ACBD5: variants seen among roughly 807,000 people sequenced by gnomAD.
ACBD5 encodes the protein acyl-CoA-binding domain-containing protein 5.
Under a neutral mutation model 71.8 loss-of-function variants are expected in ACBD5, and 40 were observed. The ratio of observed to expected loss-of-function variants is 0.56; its 90% CI spans 0.43 to 0.72. ACBD5 has a LOEUF of 0.72. Among genes scored for constraint, ACBD5 ranks in the 30% least tolerant of loss-of-function variants. The pLI is 0.00. For missense variants in ACBD5, 559 were observed against 644.5 expected, an observed-to-expected ratio of 0.87 and a Z score of 1.44; for synonymous variants, 229 against 218.6, an observed-to-expected ratio of 1.05 and a Z score of -0.42.
rs781653815 is a variant in ACBD5 at position 27,223,459 on chromosome 10, T to C, written c.376-7A>G. The C allele has an allele frequency of 1.3e-6, 2 of 1,597,102 alleles. No individual in the cohort carries two copies. Among genetic ancestry groups the C allele is most frequent in the Non-Finnish European group, 1.7e-6 (2 of 1,166,518 alleles). On this transcript the variant is annotated splice_region_variant and splice_polypyrimidine_tract_variant and intron_variant, in intron 4 of 12. Coordinates refer to ENST00000396271, the MANE Select transcript of ACBD5 (RefSeq NM_145698.5). ...TTGGCATAGTTTCAATAATCTGTAA[T>C]CAAAAGAAACAAATATTGTGAAATC...
At position 27,211,100 on chromosome 10, in the gene ACBD5, A is replaced by C; in HGVS notation, c.937-19T>G. 6.3e-7 allele frequency: 1 copy of C among 1,579,126 alleles called. No individual in the cohort carries two copies. The highest frequency in any genetic ancestry group is 8.7e-7 in the Non-Finnish European group (1 of 1,147,966). The stretch of plus-strand genomic sequence containing the variant: ...CTAAAGACTACAAATTAGAAATGAC[A>C]CTTAGTTAAAAGCTAGAAATGTGAA... On this transcript the variant is annotated intron_variant, in intron 8 of 12. Coordinates refer to ENST00000396271, the MANE Select transcript of ACBD5 (RefSeq NM_145698.5).
Position 27,219,843 on chromosome 10 carries a change from G to A in ACBD5, c.505C>T (p.Leu169Phe). 1 of 1,613,802 alleles carries A rather than the reference G, an allele frequency of 6.2e-7. No individual in the cohort carries two copies. The highest frequency in any genetic ancestry group is 8.5e-7 in the Non-Finnish European group (1 of 1,179,924). ...GTTTTGGCGTTTGGAGTAGAAGTGA[G>A]AACATTACCAAGATCTAAAACATGA... Reference protein sequence around the residue: ...SDITSDLGNVLTSTPNAKTVN... With the variant: ...SDITSDLGNVFTSTPNAKTVN... Residue 169 changes from leucine to phenylalanine, a missense_variant, in exon 6 of 13, where the codon CTC becomes TTC. Coordinates refer to ENST00000396271, the MANE Select transcript of ACBD5 (RefSeq NM_145698.5).
intron 10 of ACBD5, 55 bp from the exon 11 acceptor site, chr10:27,205,303 T>G (rs1589042046): frequency 6.5e-7 from 1 of 1,543,848 alleles, no homozygotes; most frequent in Admixed American, 1.7e-5. Context: ...ACACAGTAAT[T>G]ATTCTATTTC....
At chr10:27,215,677 A>G (rs1157210401) in intron 7 of ACBD5, 36 bp from the exon 8 acceptor site, 2 of 1,447,960 alleles carry the variant, frequency 1.4e-6, no homozygotes. Flanking sequence ...GGGTAATTAT[A>G]CTATAGTAGA....
intron 4 of ACBD5, among the ~76,000 whole-genome samples, chr10:27,228,813 A>ATTT (rs2063453996): frequency 3.9e-4 from 3 of 7,620 alleles, no homozygotes; most frequent in African/African-American, 7.4e-4. Context: ...ATATATATAT[A>ATTT]TATTTTTTTT....
chr10:27,204,857 G>A (rs111822135), intron 11 of ACBD5, among the ~76,000 whole-genome samples: 3 of 152,290 alleles, frequency 2.0e-5, no homozygotes, highest in African/African-American at 7.2e-5. Context: ...GCCGGGCGCG[G>A]TGGCTCACAC....
chr10:27,205,904 A>G (rs75754414), intron 10 of ACBD5, among the ~76,000 whole-genome samples: 10,594 of 151,968 alleles, frequency 0.07, 695 homozygotes, highest in African/African-American at 0.17. Context: ...AATCTTTTGA[A>G]CTTTATTTTA....
downstream of ACBD5, among the ~76,000 whole-genome samples, chr10:27,191,850 T>G (rs895194459): frequency 6.6e-6 from 1 of 151,992 alleles, no homozygotes; most frequent in Non-Finnish European, 1.5e-5. Flanking sequence ...ATTGCACCTC[T>G]GCACTCCAGC....
Position 27,196,161 on chromosome 10 carries a change from T to C in ACBD5, c.*1269A>G. 1 of 453,564 alleles carries C rather than the reference T, an allele frequency of 2.2e-6. No individual in the cohort carries two copies. Among genetic ancestry groups the C allele is most frequent in the Non-Finnish European group, 4.4e-6 (1 of 226,708 alleles). 28.1% of individuals were successfully genotyped at this position (453,564 alleles called of 1,614,324 possible). On this transcript the variant is annotated 3_prime_UTR_variant, in exon 13 of 13. Coordinates refer to ENST00000396271, the MANE Select transcript of ACBD5 (RefSeq NM_145698.5). The stretch of plus-strand genomic sequence containing the variant: ...GTTGCAGTGAGCCAAGATCACGCCA[T>C]TGCCCTCCAGCCTGGGCAACAAGAG...
intron 13 of ACBD5, among the ~76,000 whole-genome samples, chr10:27,184,972 A>G (rs1557168): frequency 0.6 from 91,830 of 152,094 alleles, 28,022 homozygotes; most frequent in Non-Finnish European, 0.65. Context: ...AGAGCAGCTC[A>G]GTGATATAGA....
At chr10:27,231,642 T>C in intron 4 of ACBD5, 106 bp downstream of exon 4, 1 of 926,972 alleles carries the variant, frequency 1.1e-6, no homozygotes, top group Admixed American at 1.9e-5. Flanking sequence ...TTCTATTGTA[T>C]AACATACTAC....
intron 4 of ACBD5, among the ~76,000 whole-genome samples, chr10:27,227,009 ATT>A (rs56406048): frequency 5.1e-5 from 4 of 78,392 alleles, no homozygotes; most frequent in Admixed American, 1.9e-4. Flanking sequence ...TTTTTTTGCG[ATT>A]TTTTTTTTTT....
At chr10:27,184,616 A>G (rs1039864584) in intron 13 of ACBD5, among the ~76,000 whole-genome samples, 54 of 122,208 alleles carry the variant, frequency 4.4e-4, no homozygotes, top group African/African-American at 1.6e-3. Flanking sequence ...GCTGGAGTGC[A>G]GTGGCATGAT....
At chr10:27,236,884 CAAAAAAAAAA>C (rs5783998) in intron 2 of ACBD5, among the ~76,000 whole-genome samples, 1 of 87,168 alleles carries the variant, frequency 1.1e-5, no homozygotes, top group Non-Finnish European at 2.2e-5. Context: ...GACTTGGTCT[CAAAAAAAAAA>C]AAAAAAAAAA....
chr10:27,184,037 C>T (rs2058485629), intron 13 of ACBD5, among the ~76,000 whole-genome samples: 4 of 152,084 alleles, frequency 2.6e-5, no homozygotes, highest in Admixed American at 2.6e-4. Context: ...CTGATTTAAC[C>T]AATCCTATAG....
rs1469237481 is a variant in ACBD5, at chr10:27,224,800, GC to G, written c.376-1349del. On this transcript the variant is annotated intron_variant, in intron 4 of 12. Coordinates refer to ENST00000396271, the MANE Select transcript of ACBD5 (RefSeq NM_145698.5). Reference sequence around the variant, plus strand: ...AATCCCAGCACTTTGGGAGGCTGAGGCAGGAGGATCACCTGAGGTCAGGAGT... The same window carrying G: ...AATCCCAGCACTTTGGGAGGCTGAGGAGGAGGATCACCTGAGGTCAGGAGT... Among the ~76,000 whole-genome samples the G allele has an allele frequency of 3.3e-5, 5 of 150,510 alleles. No homozygotes were observed. The East Asian group carries it at 9.9e-4, about 30-fold the overall frequency.
downstream of ACBD5, among the ~76,000 whole-genome samples, chr10:27,191,275 G>T (rs533053575): frequency 2.6e-5 from 4 of 152,292 alleles, no homozygotes; most frequent in East Asian, 1.9e-4. Context: ...GACAGTAAAA[G>T]GATCTGTGGT....
chr10:27,191,078 G>A (rs140478081), downstream of ACBD5, among the ~76,000 whole-genome samples: 61 of 152,282 alleles, frequency 4.0e-4, no homozygotes, highest in African/African-American at 1.4e-3. Context: ...CCTTCAACAG[G>A]TGAATGAATA....
chr10:27,193,824 G>A (rs186899331), downstream of ACBD5, among the ~76,000 whole-genome samples: 62 of 152,258 alleles, frequency 4.1e-4, no homozygotes, highest in Non-Finnish European at 7.2e-4. Flanking sequence ...GACTTATATC[G>A]AAGGAAAAGA....
Sources: allele counts gnomAD v4.1 joint callset (sites outside exome capture counted in the v4.1 genomes callset), GRCh38; gene constraint gnomAD v4.1.1; transcripts MANE v1.5; gene names NCBI Gene and HGNC (gene_info 2026-07-23, HGNC 2026-07-21).